Variants in SLC12A1 observed in about 807,000 individuals in gnomAD.
SLC12A1 encodes Na-K-2Cl cotransporter.
A neutral mutation model predicts 130.4 loss-of-function variants in SLC12A1; 89 were observed. The observed-to-expected ratio is 0.68, with a 90% CI of 0.58 to 0.81. The LOEUF is 0.81. Among genes scored for constraint, SLC12A1 ranks in the 40% least tolerant of loss-of-function variants. The pLI is 0.00. For missense variants in SLC12A1, 1,310 were observed against 1,336.4 expected, an observed-to-expected ratio of 0.98 and a Z score of 0.31; for synonymous variants, 499 against 460.0, an observed-to-expected ratio of 1.08 and a Z score of -1.09.
At chr15:48,265,409 C>T (rs1453538636) in intron 17 of SLC12A1, among the ~76,000 whole-genome samples, 1 of 152,154 alleles carries the variant, frequency 6.6e-6, no homozygotes, top group East Asian at 1.9e-4. Context: ...CAAAGTATTT[C>T]CTGTTTGTTA....
intron 17 of SLC12A1, among the ~76,000 whole-genome samples, chr15:48,264,394 A>G (rs952215715): frequency 7.9e-5 from 12 of 152,286 alleles, no homozygotes; most frequent in African/African-American, 2.6e-4. Context: ...CTTGAACTGC[A>G]TAAGGAAGGC....
intron 20 of SLC12A1, among the ~76,000 whole-genome samples, chr15:48,283,306 A>G (rs2042026591): frequency 6.6e-6 from 1 of 152,272 alleles, no homozygotes; most frequent in Non-Finnish European, 1.5e-5. Context: ...TCCGAGGCAT[A>G]GAAAAAGTAA....
chr15:48,239,508 C>T (rs1026537232), intron 9 of SLC12A1, among the ~76,000 whole-genome samples: 2 of 102,868 alleles, frequency 1.9e-5, no homozygotes, highest in African/African-American at 1.1e-4. Context: ...GAACAAGAAC[C>T]CATCTCAAAA....
At chr15:48,282,382 C>A (rs1159756628) in intron 20 of SLC12A1, among the ~76,000 whole-genome samples, 1 of 152,160 alleles carries the variant, frequency 6.6e-6, no homozygotes, top group African/African-American at 2.4e-5. Flanking sequence ...ACTCAGCCCG[C>A]TGACTCCATT....
chr15:48,250,327 G>A (rs541236687), intron 14 of SLC12A1, among the ~76,000 whole-genome samples: 22 of 152,188 alleles, frequency 1.4e-4, no homozygotes, highest in South Asian at 8.3e-4. Flanking sequence ...AACTTTTACC[G>A]GATATATAAA....
At chr15:48,254,592 T>TACAAAAAAAAA (rs2041682678) in intron 15 of SLC12A1, among the ~76,000 whole-genome samples, 2 of 52,890 alleles carry the variant, frequency 3.8e-5, no homozygotes. Context: ...CTTAAATTCG[T>TACAAAAAAAAA]AAAAAAAAAA....
intron 4 of SLC12A1, chr15:48,221,215 T>A (rs2041210880): frequency 3.0e-6 from 2 of 664,416 alleles, no homozygotes; most frequent in South Asian, 3.3e-5. Context: ...AACAGGTGAA[T>A]GCTCAAGGAG....
chr15:48,227,122 A>G (rs1380899703), intron 5 of SLC12A1: 9 of 1,552,240 alleles, frequency 5.8e-6, no homozygotes, highest in Non-Finnish European at 7.8e-6. Flanking sequence ...TAGTAACGAC[A>G]CTCACAGGTA....
intron 2 of SLC12A1, among the ~76,000 whole-genome samples, chr15:48,212,264 T>G (rs1254427580): frequency 6.6e-6 from 1 of 152,186 alleles, no homozygotes; most frequent in Admixed American, 6.5e-5. Flanking sequence ...TCAGTTATTC[T>G]CTCCAGGACA....
At chr15:48,254,605 A>C (rs1439262966) in intron 15 of SLC12A1, among the ~76,000 whole-genome samples, 1 of 71,324 alleles carries the variant, frequency 1.4e-5, no homozygotes, top group Non-Finnish European at 2.2e-5. Flanking sequence ...AAAAAAAAAA[A>C]AAAAAAAAAA....
At chr15:48,244,622 A>G in intron 10 of SLC12A1, 131 bp from the exon 11 acceptor site, 1 of 843,364 alleles carries the variant, frequency 1.2e-6, no homozygotes, top group Non-Finnish European at 1.8e-6. Context: ...TCCAGTTATC[A>G]AGAACTACTC....
At chr15:48,302,489 G>T (rs949110705) in intron 26 of SLC12A1, among the ~76,000 whole-genome samples, 4 of 150,226 alleles carry the variant, frequency 2.7e-5, no homozygotes, top group Admixed American at 6.6e-5. Context: ...GCGCGGTGGC[G>T]GGCGCCTGTA....
rs781016517 is a variant in SLC12A1, at chr15:48,229,269, G to T, written c.805G>T (p.Ala269Ser). 6.2e-7 allele frequency: 1 copy of T among 1,604,416 alleles called. No individual in the cohort carries two copies. The highest frequency in any genetic ancestry group is 8.5e-7 in the Non-Finnish European group (1 of 1,175,046). Residue 269 changes from alanine to serine, a missense_variant, in exon 6 of 27, where the codon GCA (alanine) becomes TCA (serine). Ala to Ser is a moderately conservative substitution (Grantham distance 99). Coordinates refer to ENST00000380993, the MANE Select transcript of SLC12A1 (RefSeq NM_000338.3). ...SIGLIFAFAN[A>S]VAVAMYVVGF... ...AGGCCTGATCTTTGCTTTTGCTAAT[G>T]CAGTGGCTGTTGCTATGTATGTGGT...
At position 48,252,063 on chromosome 15, in the gene SLC12A1, T is replaced by C. The variant is rs571703730; in HGVS notation, c.1942+293T>C. ...ACTAAAAATACAAAAATTAGCTGGG[T>C]GTGGTGGCGGGCCCCTGTAATCTCA... On this transcript the variant is annotated intron_variant, in intron 15 of 26. Transcript: ENST00000380993. Among the ~76,000 whole-genome samples, 4 of 151,740 alleles carry C rather than the reference T, an allele frequency of 2.6e-5. No individual in the cohort carries two copies. In the East Asian group the frequency reaches 7.7e-4, roughly 29 times the overall value.
At chr15:48,262,348 G>A (rs2041783955) in intron 17 of SLC12A1, among the ~76,000 whole-genome samples, 1 of 152,208 alleles carries the variant, frequency 6.6e-6, no homozygotes, top group South Asian at 2.1e-4. Context: ...GCATTTTGAT[G>A]TGGGTGGGTA....
At chr15:48,247,620 G>A (rs982577410) in intron 13 of SLC12A1, among the ~76,000 whole-genome samples, 160 bp downstream of exon 13, 4 of 152,068 alleles carry the variant, frequency 2.6e-5, no homozygotes, top group African/African-American at 9.7e-5. Context: ...TGTGTAGAGG[G>A]CCTTTGAGGA....
At chr15:48,287,300 A>ATT (rs1345248928) in intron 21 of SLC12A1, among the ~76,000 whole-genome samples, 1 of 151,978 alleles carries the variant, frequency 6.6e-6, no homozygotes, top group East Asian at 1.9e-4. Flanking sequence ...AATTGTAACT[A>ATT]TTTTATATAC....
At chr15:48,234,806 C>T (rs1394890691) in intron 8 of SLC12A1, 71 bp from the exon 9 acceptor site, 1 of 1,454,816 alleles carries the variant, frequency 6.9e-7, no homozygotes, top group Non-Finnish European at 9.6e-7. Context: ...ACTAGGGAAG[C>T]CAATGGTAAC....
intron 20 of SLC12A1, among the ~76,000 whole-genome samples, chr15:48,277,582 A>G (rs1156706893): frequency 2.0e-5 from 3 of 152,040 alleles, no homozygotes; most frequent in Admixed American, 2.0e-4. Context: ...AGAACTGATC[A>G]GTGTACAACA....
Sources: gnomAD v4.1 joint callset for allele counts (sites outside exome capture counted in the v4.1 genomes callset) on GRCh38, gnomAD v4.1.1 for gene constraint, MANE v1.5 for transcripts, NCBI Gene and HGNC (gene_info 2026-07-23, HGNC 2026-07-21) for gene names.